Variants in HERC2 observed in about 807,000 individuals in gnomAD.
HERC2 encodes the protein HECT and RLD domain containing E3 ubiquitin protein ligase 2, also known as E3 ubiquitin-protein ligase HERC2.
A neutral mutation model predicts 537.7 loss-of-function variants in HERC2; 102 were observed. The ratio of observed to expected loss-of-function variants is 0.19; its 90% CI spans 0.16 to 0.22. The LOEUF (loss-of-function observed/expected upper bound fraction) is 0.22. HERC2 is among the 10% of genes least tolerant of loss of function. The probability of loss-of-function intolerance (pLI) is 1.00; values close to 1 mark genes in which losing one functional copy is unlikely to be tolerated. For missense variants in HERC2, 4,236 were observed against 6,198.2 expected, an observed-to-expected ratio of 0.68 and a Z score of 10.63; for synonymous variants, 2,224 against 2,466.2, an observed-to-expected ratio of 0.90 and a Z score of 2.91.
rs748549160 is a variant in HERC2 at position 28,196,544 on chromosome 15, G to T, written c.8037C>A (p.Ile2679=). 6.2e-7 allele frequency: 1 copy of T among 1,612,430 alleles called. No homozygotes were observed. The highest frequency in any genetic ancestry group is 8.5e-7 in the Non-Finnish European group (1 of 1,178,524). Residue 2679 remains isoleucine, a synonymous_variant, in exon 51 of 93, where the codon ATC becomes ATA. Coordinates refer to ENST00000261609, the MANE Select transcript of HERC2 (RefSeq NM_004667.6). The part of the protein sequence containing the change: ...VKAFSANGKD[I]IVDFPQQSHW... ...GAGACTGCTGGGGAAAGTCGACAATGATATCTTTTCCATTGGCACTGAAAG... is the reference window on the plus strand; with the variant it reads ...GAGACTGCTGGGGAAAGTCGACAATTATATCTTTTCCATTGGCACTGAAAG...
intron 86 of HERC2, among the ~76,000 whole-genome samples, chr15:28,119,518 A>G (rs549499545): frequency 6.8e-6 from 1 of 147,122 alleles, no homozygotes; most frequent in East Asian, 2.1e-4. Context: ...CGCTGGTATG[A>G]TCTCGGCTCA....
At chr15:28,250,602 C>T (rs1047078072) in intron 20 of HERC2, among the ~76,000 whole-genome samples, 1 of 152,198 alleles carries the variant, frequency 6.6e-6, no homozygotes, top group African/African-American at 2.4e-5. Flanking sequence ...TAACGATCTA[C>T]TCTGAAATAC....
intron 70 of HERC2, among the ~76,000 whole-genome samples, chr15:28,148,087 C>A (rs567188269): frequency 6.6e-6 from 1 of 150,456 alleles, no homozygotes; most frequent in Admixed American, 6.6e-5. Context: ...AACATCCCCA[C>A]AGGCAATAAA....
chr15:28,111,203 G>A lies in HERC2; in HGVS notation c.*560C>T, dbSNP rs4778244. 130,655 of 153,352 alleles carry A rather than the reference G, an allele frequency of 0.85. 59,006 individuals carry two copies. Among genetic ancestry groups the A allele is most frequent in the Non-Finnish European group, 0.99 (68,274 of 68,760 alleles). 9.5% of individuals were successfully genotyped at this position (153,352 alleles called of 1,614,324 possible). On this transcript the variant is annotated 3_prime_UTR_variant, in exon 93 of 93. Transcript: ENST00000261609. ...TATGCTACAAGGGGACACCTGGGAG[G>A]GGGGACACCAAATGGCCTTCTGGTT... is the stretch of plus-strand genomic sequence containing the variant.
At chr15:28,255,341 A>G (rs1015977302) in intron 19 of HERC2, among the ~76,000 whole-genome samples, 7 of 152,220 alleles carry the variant, frequency 4.6e-5, no homozygotes, top group African/African-American at 1.7e-4. Context: ...CTCAAAAAAA[A>G]AGAAAACAAA....
intron 4 of HERC2, among the ~76,000 whole-genome samples, chr15:28,288,018 A>G (rs2076207507): frequency 1.3e-5 from 2 of 152,100 alleles, no homozygotes; most frequent in Non-Finnish European, 1.5e-5. Context: ...CACTGCTCCC[A>G]GCCACTTATT....
chr15:28,150,183 C>A (rs1012557406), intron 70 of HERC2, among the ~76,000 whole-genome samples: 1 of 151,670 alleles, frequency 6.6e-6, no homozygotes, highest in Non-Finnish European at 1.5e-5. Context: ...ACGAAAAAAA[C>A]GCACGCGGCT....
chr15:28,278,659 C>G (rs2075942275), intron 5 of HERC2, among the ~76,000 whole-genome samples: 1 of 151,968 alleles, frequency 6.6e-6, no homozygotes, highest in Non-Finnish European at 1.5e-5. Flanking sequence ...CATAAGAAAA[C>G]AAGGAAACAA....
intron 20 of HERC2, among the ~76,000 whole-genome samples, chr15:28,250,465 T>C (rs959703734): frequency 6.6e-6 from 1 of 152,074 alleles, no homozygotes; most frequent in Non-Finnish European, 1.5e-5. Context: ...TTTTAGTTTA[T>C]TTAATATAAA....
intron 56 of HERC2, among the ~76,000 whole-genome samples, chr15:28,185,503 C>T (rs1338008872): frequency 6.6e-6 from 1 of 152,206 alleles, no homozygotes; most frequent in Non-Finnish European, 1.5e-5. Flanking sequence ...TCTATGAGGA[C>T]ACTGATTATC....
intron 38 of HERC2, among the ~76,000 whole-genome samples, chr15:28,216,632 A>ACTCACTCTCACACC (rs1242031273): frequency 6.7e-6 from 1 of 148,590 alleles, no homozygotes; most frequent in Non-Finnish European, 1.5e-5. Flanking sequence ...ACACACACAC[A>ACTCACTCTCACACC]CTCACTCTCA....
At chr15:28,154,205 C>T (rs1892750858) in intron 69 of HERC2, among the ~76,000 whole-genome samples, 1 of 152,182 alleles carries the variant, frequency 6.6e-6, no homozygotes, top group African/African-American at 2.4e-5. Context: ...TTCTAATGCC[C>T]ATTCTATACT....
chr15:28,257,577 T>C (rs919720248), intron 16 of HERC2, among the ~76,000 whole-genome samples: 18 of 152,154 alleles, frequency 1.2e-4, no homozygotes, highest in Admixed American at 9.8e-4. Context: ...AGTGGTATAA[T>C]AGCAACTCTA....
chr15:28,293,310 G>A (rs1347477718), intron 3 of HERC2, among the ~76,000 whole-genome samples: 3 of 151,934 alleles, frequency 2.0e-5, no homozygotes, highest in Admixed American at 1.3e-4. Flanking sequence ...TGGCTAACAC[G>A]GTGAAACCCC....
chr15:28,150,836 C>T (rs1443544439), intron 70 of HERC2, among the ~76,000 whole-genome samples: 1 of 151,710 alleles, frequency 6.6e-6, no homozygotes. Flanking sequence ...CATACTTTCA[C>T]AGAGGAAAAA....
At chr15:28,304,707 T>TA in intron 2 of HERC2, among the ~76,000 whole-genome samples, 1 of 150,416 alleles carries the variant, frequency 6.6e-6, no homozygotes, top group East Asian at 1.9e-4. Context: ...CTTCCATTTT[T>TA]TTTTTTTTTT....
chr15:28,255,566 G>A (rs1484466104), intron 19 of HERC2, among the ~76,000 whole-genome samples: 1 of 152,048 alleles, frequency 6.6e-6, no homozygotes, highest in Non-Finnish European at 1.5e-5. Context: ...CTAATCTCAG[G>A]GCAGGGGAGT....
intron 65 of HERC2, among the ~76,000 whole-genome samples, chr15:28,172,360 A>T (rs1364212594): frequency 6.6e-6 from 1 of 152,312 alleles, no homozygotes; most frequent in Non-Finnish European, 1.5e-5. Context: ...AACTCTTGCA[A>T]CCTGAGTTCA....
intron 3 of HERC2, among the ~76,000 whole-genome samples, chr15:28,293,252 G>C (rs1479257202): frequency 1.3e-5 from 2 of 152,056 alleles, no homozygotes; most frequent in East Asian, 1.9e-4. Flanking sequence ...CCAGCACTTT[G>C]GGAAGCCATG....
Sources: allele counts gnomAD v4.1 joint callset (sites outside exome capture counted in the v4.1 genomes callset), GRCh38; gene constraint gnomAD v4.1.1; transcripts MANE v1.5; gene names NCBI Gene and HGNC (gene_info 2026-07-23, HGNC 2026-07-21).